Variants in PLCB1 observed in about 807,000 individuals in gnomAD.
The protein encoded by PLCB1 is 1-phosphatidylinositol 4,5-bisphosphate phosphodiesterase beta-1.
Under a neutral mutation model 161.8 loss-of-function variants are expected in PLCB1, and 46 were observed. The ratio of observed to expected loss-of-function variants is 0.28; its 90% CI spans 0.22 to 0.36. The LOEUF (loss-of-function observed/expected upper bound fraction) is 0.36. Ranked by LOEUF, PLCB1 falls within the 10% of genes least tolerant of loss-of-function variation. PLCB1 has a pLI of 1.00. For synonymous variants in PLCB1, 517 were observed against 503.7 expected, an observed-to-expected ratio of 1.03 and a Z score of -0.35; for missense variants, 1,016 against 1,472.5, an observed-to-expected ratio of 0.69 and a Z score of 5.07.
At chr20:8,706,074 A>G (rs1978654044) in intron 11 of PLCB1, among the ~76,000 whole-genome samples, 1 of 152,252 alleles carries the variant, frequency 6.6e-6, no homozygotes, top group African/African-American at 2.4e-5. Context: ...TTACAACCAC[A>G]ACGGTTTACT....
chr20:8,588,639 G>A (rs1487236813), intron 3 of PLCB1, among the ~76,000 whole-genome samples: 3 of 152,106 alleles, frequency 2.0e-5, no homozygotes, highest in Non-Finnish European at 4.4e-5. Flanking sequence ...GCTGTGTGAG[G>A]ACACAGCAAG....
intron 3 of PLCB1, among the ~76,000 whole-genome samples, chr20:8,563,651 C>G (rs1986225054): frequency 6.6e-6 from 1 of 152,108 alleles, no homozygotes; most frequent in South Asian, 2.1e-4. Flanking sequence ...AGCATAGTCT[C>G]AGGATACAAA....
At chr20:8,791,396 T>C (rs1983752452) in intron 31 of PLCB1, among the ~76,000 whole-genome samples, 1 of 152,208 alleles carries the variant, frequency 6.6e-6, no homozygotes, top group Non-Finnish European at 1.5e-5. Flanking sequence ...AGAATTGATC[T>C]TTTTAAAATG....
chr20:8,558,411 A>G (rs1193485961), intron 3 of PLCB1, among the ~76,000 whole-genome samples: 2 of 151,866 alleles, frequency 1.3e-5, no homozygotes, highest in Non-Finnish European at 2.9e-5. Context: ...ATAAAAAAAG[A>G]ATAAAGAAAA....
intron 27 of PLCB1, among the ~76,000 whole-genome samples, chr20:8,783,698 T>C (rs1283360985): frequency 6.6e-6 from 1 of 152,244 alleles, no homozygotes. Context: ...TGCTTTTCTC[T>C]GCATATTAGT....
chr20:8,681,086 GTATATA>G (rs202198416), intron 9 of PLCB1, among the ~76,000 whole-genome samples: 1,319 of 73,844 alleles, frequency 0.018, 49 homozygotes, highest in South Asian at 0.074. Context: ...ATGTGTGTGT[GTATATA>G]TATATATATA....
chr20:8,619,633 T>C lies in PLCB1; in HGVS notation c.247-8661T>C, dbSNP rs542762510. Among the ~76,000 whole-genome samples, 5 of 152,208 alleles carry C rather than the reference T, an allele frequency of 3.3e-5. No individual in the cohort carries two copies. In the East Asian group the frequency reaches 9.7e-4, roughly 30 times the overall value. ...TGAACAGACATTGCTATTATCATTG[T>C]TAAAGCTTTGAGAATATGAGTTGCC... is the stretch of plus-strand genomic sequence containing the variant. On this transcript the variant is annotated intron_variant, in intron 3 of 31. Transcript: ENST00000338037.
intron 3 of PLCB1, among the ~76,000 whole-genome samples, chr20:8,381,013 C>T (rs1987235949): frequency 1.3e-5 from 2 of 152,116 alleles, no homozygotes; most frequent in Admixed American, 1.3e-4. Context: ...CCATCCTTGT[C>T]TTGTATTGGT....
At chr20:8,257,228 ATGT>A (rs1331850036) in intron 2 of PLCB1, among the ~76,000 whole-genome samples, 1 of 152,168 alleles carries the variant, frequency 6.6e-6, no homozygotes, top group Non-Finnish European at 1.5e-5. Flanking sequence ...GGTAAGATGA[ATGT>A]AATCTCCTTA....
chr20:8,819,864 AGTTG>A (rs764918973), intron 31 of PLCB1, among the ~76,000 whole-genome samples: 12 of 152,106 alleles, frequency 7.9e-5, no homozygotes, highest in Non-Finnish European at 1.2e-4. Flanking sequence ...TCCCTGGTTT[AGTTG>A]GTTAAATAAT....
intron 2 of PLCB1, among the ~76,000 whole-genome samples, chr20:8,289,774 T>A (rs749567365): frequency 1.1e-4 from 17 of 151,974 alleles, no homozygotes; most frequent in Non-Finnish European, 2.1e-4. Flanking sequence ...CGAGCATGAC[T>A]CAATGGGAGA....
intron 3 of PLCB1, among the ~76,000 whole-genome samples, chr20:8,591,068 G>A (rs1252514057): frequency 6.6e-6 from 1 of 152,138 alleles, no homozygotes; most frequent in Non-Finnish European, 1.5e-5. Context: ...GCGAGAACAT[G>A]AGGCGTTTGG....
At chr20:8,331,853 C>A (rs6086407) in intron 2 of PLCB1, among the ~76,000 whole-genome samples, 37,571 of 152,094 alleles carry the variant, frequency 0.25, 4,855 homozygotes, top group South Asian at 0.44. Context: ...CTTAATATCA[C>A]TTCACTCTGC....
Position 8,739,380 on chromosome 20 carries a change from A to T in PLCB1, c.2308+20A>T, listed in dbSNP as rs1430330560. 3.4e-6 allele frequency: 5 copies of T among 1,478,770 alleles called. No homozygotes were observed. The South Asian group carries it at 5.7e-5, about 17-fold the overall frequency. The allele number at this position is 1,478,770 out of a possible 1,614,324, so 91.6% of individuals were successfully genotyped here. A position where few individuals can be genotyped will look rare whatever the true frequency, so the allele number is the denominator to read the frequency against. ...GGCCAGGTATGGGTAGTGTGCTGAG[A>T]AACCTTTTATCAAAGTTGCAAAGAA... On this transcript the variant is annotated intron_variant, in intron 21 of 31. Transcript: ENST00000338037.
At chr20:8,738,193 G>A (rs1392222731) in intron 20 of PLCB1, among the ~76,000 whole-genome samples, 1 of 152,186 alleles carries the variant, frequency 6.6e-6, no homozygotes, top group Non-Finnish European at 1.5e-5. Context: ...TTGTTTTTCA[G>A]TGGTGGTTGT....
intron 24 of PLCB1, among the ~76,000 whole-genome samples, chr20:8,757,524 G>A (rs1333942695): frequency 1.3e-5 from 2 of 152,126 alleles, no homozygotes; most frequent in African/African-American, 2.4e-5. Context: ...TCTTAGTCTT[G>A]CTTCATTAAT....
intron 3 of PLCB1, among the ~76,000 whole-genome samples, chr20:8,541,708 T>G (rs1005786503): frequency 6.6e-6 from 1 of 152,240 alleles, no homozygotes; most frequent in African/African-American, 2.4e-5. Context: ...TATTTATTTA[T>G]TGAGCATTAC....
At chr20:8,425,283 A>G (rs1979708336) in intron 3 of PLCB1, among the ~76,000 whole-genome samples, 1 of 152,172 alleles carries the variant, frequency 6.6e-6, no homozygotes, top group Non-Finnish European at 1.5e-5. Flanking sequence ...GCAGACAGCC[A>G]ACTTCCCATC....
At chr20:8,223,518 T>A (rs1568596144) in intron 2 of PLCB1, among the ~76,000 whole-genome samples, 1 of 152,156 alleles carries the variant, frequency 6.6e-6, no homozygotes. Flanking sequence ...TTGTAATGTG[T>A]CTCAACTTTT....
Sources: allele counts gnomAD v4.1 joint callset (sites outside exome capture counted in the v4.1 genomes callset), GRCh38; gene constraint gnomAD v4.1.1; transcripts MANE v1.5; gene names NCBI Gene and HGNC (gene_info 2026-07-23, HGNC 2026-07-21).